The following RP1 variants were observed in gnomAD, a reference collection of about 807,000 sequenced individuals.
RP1 encodes RP1 axonemal microtubule associated, also known as oxygen-regulated protein 1.
RP1 carries 16 observed loss-of-function variants against 14.8 expected under a neutral mutation model. The ratio of observed to expected loss-of-function variants is 1.08; its 90% CI spans 0.73 to 1.65. The LOEUF is 1.65. RP1 is among the 40% of genes most tolerant of loss of function. RP1 has a pLI of 0.00. For missense variants in RP1, 2,631 were observed against 2,535.0 expected, an observed-to-expected ratio of 1.04 and a Z score of -0.81; for synonymous variants, 876 against 883.6, an observed-to-expected ratio of 0.99 and a Z score of 0.15.
At chr8:54,731,769 C>A (rs981078291) in intron 17 of RP1, among the ~76,000 whole-genome samples, 1 of 152,068 alleles carries the variant, frequency 6.6e-6, no homozygotes, top group Non-Finnish European at 1.5e-5. Flanking sequence ...GATTTGTGTT[C>A]ATTCATGCAC....
chr8:54,583,710 C>T (rs1804851757), intron 1 of RP1, among the ~76,000 whole-genome samples: 1 of 152,182 alleles, frequency 6.6e-6, no homozygotes. Context: ...GATTCAACTT[C>T]TTCCTGGTTT....
rs865903397 is a variant in RP1 at position 54,629,038 on chromosome 8, T to C, written c.5156T>C (p.Val1719Ala). The change falls in exon 4 of 4, where the codon GTA becomes GCA. Residue 1719 changes from valine to alanine, a missense_variant. Physicochemically the swap from Val to Ala is moderately conservative, Grantham distance 64. Coordinates refer to ENST00000220676, the MANE Select transcript of RP1 (RefSeq NM_006269.2). ...VRDNYCRGDI[V>A]EPGTKQNDDS... ...GACAATTATTGTAGGGGTGACATTG[T>C]AGAACCTGGTACAAAACAAAATGAT... The C allele has an allele frequency of 6.2e-7, 1 of 1,614,082 alleles. No homozygotes were observed. Among genetic ancestry groups the C allele is most frequent in the Non-Finnish European group, 8.5e-7 (1 of 1,179,962 alleles).
intron 3 of RP1, among the ~76,000 whole-genome samples, chr8:54,643,006 T>A (rs1336507286): frequency 5.3e-5 from 8 of 152,154 alleles, no homozygotes; most frequent in South Asian, 4.1e-4. Flanking sequence ...TCTTTTTTTT[T>A]AATAAATTGC....
chr8:54,712,156 T>C (rs1251954574), intron 15 of RP1, among the ~76,000 whole-genome samples: 1 of 152,134 alleles, frequency 6.6e-6, no homozygotes, highest in Non-Finnish European at 1.5e-5. Flanking sequence ...TTTTGTGGGC[T>C]GGTTCCTGGG....
At chr8:54,631,315 T>A (rs1806242402), downstream of RP1, among the ~76,000 whole-genome samples, 1 of 152,104 alleles carries the variant, frequency 6.6e-6, no homozygotes, top group South Asian at 2.1e-4. Flanking sequence ...TTTCTTTTAG[T>A]GAAAATATGG....
intron 25 of RP1, among the ~76,000 whole-genome samples, chr8:54,851,073 A>C (rs1255604681): frequency 6.6e-6 from 1 of 151,966 alleles, no homozygotes; most frequent in African/African-American, 2.4e-5. Context: ...GTGTGCGTGC[A>C]TGTGTGCATG....
At chr8:54,600,357 G>A (rs1805247237) in intron 1 of RP1, among the ~76,000 whole-genome samples, 2 of 152,108 alleles carry the variant, frequency 1.3e-5, no homozygotes, top group African/African-American at 4.8e-5. Context: ...ATAAATTACC[G>A]AGTCTTGGGA....
intron 24 of RP1, among the ~76,000 whole-genome samples, chr8:54,814,467 A>G (rs1250026716): frequency 6.6e-6 from 1 of 152,212 alleles, no homozygotes; most frequent in Non-Finnish European, 1.5e-5. Context: ...TGTAGAGAAC[A>G]AGAAGCCATA....
chr8:54,684,738 T>C lies in RP1; in HGVS notation c.1717+4805T>C, dbSNP rs1427604988. On this transcript the variant is annotated intron_variant, in intron 12 of 22. Transcript: ENST00000636932. The stretch of plus-strand genomic sequence containing the variant: ...CTAACTAGTGGCCTATTTTACTTTT[T>C]TATTTTTTAAGTTTTGAGGTACATG... Among the ~76,000 whole-genome samples, 3 of 152,168 alleles carry C rather than the reference T, an allele frequency of 2.0e-5. No homozygotes were observed. The East Asian group carries it at 5.8e-4, about 29-fold the overall frequency.
chr8:54,843,029 C>A lies in RP1; in HGVS notation c.3835+5360C>A, dbSNP rs1811824031. 1.3e-5 allele frequency among the ~76,000 whole-genome samples: 2 copies of A among 152,248 alleles called. 1 individual carries two copies. Among genetic ancestry groups the A allele is most frequent in the South Asian group, 4.1e-4 (2 of 4,826 alleles). On this transcript the variant is annotated intron_variant, in intron 25 of 28. Transcript: ENST00000637698. ...CCACTCCCCTCCCAACTGTGGCATC[C>A]CTTTTCTCTCTACGGCTCAGACGTA...
chr8:54,785,002 C>A (rs1390781686), intron 24 of RP1, among the ~76,000 whole-genome samples: 3 of 151,942 alleles, frequency 2.0e-5, no homozygotes, highest in Non-Finnish European at 4.4e-5. Flanking sequence ...TGCTCCAATA[C>A]ATACATATAT....
chr8:54,653,384 C>G (rs1806694306), intron 5 of RP1, among the ~76,000 whole-genome samples: 1 of 152,128 alleles, frequency 6.6e-6, no homozygotes, highest in African/African-American at 2.4e-5. Context: ...TGCAGACCTC[C>G]AACACTGGAA....
In RP1 at chr8:54,679,406, T is replaced by G. The variant is rs747655906; in HGVS notation, c.1479-14T>G. ...TAAAGTCTGAAAATAATCGATACAC[T>G]TTTCTTTTCACAGATGGCTAGATCA... On this transcript the variant is annotated splice_polypyrimidine_tract_variant and intron_variant, in intron 9 of 22. Transcript: ENST00000636932. 3.7e-5 allele frequency: 56 copies of G among 1,532,372 alleles called. No individual in the cohort carries two copies. In the South Asian group the frequency reaches 6.4e-4, roughly 18 times the overall value. 94.9% of individuals were successfully genotyped at this position (1,532,372 alleles called of 1,614,324 possible).
chr8:54,631,766 G>T (rs1806250032), downstream of RP1, among the ~76,000 whole-genome samples: 1 of 151,864 alleles, frequency 6.6e-6, no homozygotes, highest in African/African-American at 2.4e-5. Flanking sequence ...TCTCAAGTAG[G>T]TGGGACTGCA....
In RP1 at chr8:54,741,735, A is replaced by ATG. The variant is rs1296372464; in HGVS notation, c.2808+2707_2808+2708insGT. On this transcript the variant is annotated intron_variant, in intron 19 of 22. Transcript: ENST00000636932. The stretch of plus-strand genomic sequence containing the variant: ...TATATATATATATATATATATATAT[A>ATG]TATATATATATATATGTTTATATGT... Among the ~76,000 whole-genome samples the ATG allele has an allele frequency of 2.5e-4, 34 of 136,928 alleles. 2 individuals carry two copies. Among genetic ancestry groups the ATG allele is most frequent in the African/African-American group, 9.1e-4 (34 of 37,464 alleles). 89.8% of individuals were successfully genotyped at this position (136,928 alleles called of 152,430 possible).
At chr8:54,736,839 G>A (rs981925698) in intron 18 of RP1, among the ~76,000 whole-genome samples, 1 of 152,114 alleles carries the variant, frequency 6.6e-6, no homozygotes, top group Admixed American at 6.6e-5. Flanking sequence ...AGATCCCCAG[G>A]TAATCTGTGT....
At chr8:54,693,867 T>A (rs974072080) in intron 12 of RP1, among the ~76,000 whole-genome samples, 17 of 151,988 alleles carry the variant, frequency 1.1e-4, no homozygotes, top group African/African-American at 3.4e-4. Flanking sequence ...TGAATAGGAG[T>A]GGTGAGACAG....
chr8:54,670,695 ATATATATAT>A (rs1807157598), intron 7 of RP1, among the ~76,000 whole-genome samples: 1 of 138,758 alleles, frequency 7.2e-6, no homozygotes, highest in Non-Finnish European at 1.5e-5. Context: ...ATATATATAT[ATATATATAT>A]ATAAAACATT....
chr8:54,798,006 G>C (rs1362279394), intron 24 of RP1, among the ~76,000 whole-genome samples: 1 of 151,178 alleles, frequency 6.6e-6, no homozygotes, highest in Non-Finnish European at 1.5e-5. Context: ...TGGATGGTCT[G>C]ATTTCCCTTT....
Sources: gnomAD v4.1 joint callset for allele counts (sites outside exome capture counted in the v4.1 genomes callset) on GRCh38, gnomAD v4.1.1 for gene constraint, MANE v1.5 for transcripts, NCBI Gene and HGNC (gene_info 2026-07-23, HGNC 2026-07-21) for gene names.